The following SYT9 variants were observed in gnomAD, a reference collection of about 807,000 sequenced individuals.
The protein encoded by SYT9 is synaptotagmin-9.
In SYT9, 22 loss-of-function variants were observed where a neutral mutation model predicts 48.4. The ratio of observed to expected loss-of-function variants is 0.45; its 90% CI spans 0.32 to 0.65. The LOEUF is 0.65. Ranked by LOEUF, SYT9 falls within the 30% of genes least tolerant of loss-of-function variation. The pLI is 0.03. For synonymous variants in SYT9, 265 were observed against 245.0 expected (o/e 1.08, Z -0.76); for missense variants, 577 against 622.0 (o/e 0.93, Z 0.77).
intron 3 of SYT9, among the ~76,000 whole-genome samples, chr11:7,397,810 A>G (rs1045919156): frequency 2.1e-4 from 32 of 152,224 alleles, no homozygotes; most frequent in African/African-American, 4.6e-4. Flanking sequence ...CATTGCTAAT[A>G]TATAAAAATC....
chr11:7,281,274 A>G (rs1340465835), intron 1 of SYT9, among the ~76,000 whole-genome samples: 4 of 152,208 alleles, frequency 2.6e-5, no homozygotes, highest in South Asian at 2.1e-4. Context: ...AACAGATGAG[A>G]TCAGATCCAA....
rs185741610 is a variant in SYT9 at position 7,356,318 on chromosome 11, A to G, written c.1044+42377A>G. ...TTTCAATACCTTCTTTGAAATGCGG[A>G]CATTCAGCATCCACATTGTCCCTTG... On this transcript the variant is annotated intron_variant, in intron 3 of 6. Coordinates refer to ENST00000318881, the MANE Select transcript of SYT9 (RefSeq NM_175733.4). 1.6e-3 allele frequency among the ~76,000 whole-genome samples: 249 copies of G among 152,358 alleles called. 3 individuals carry two copies. Among genetic ancestry groups the G allele is most frequent in the Non-Finnish European group, 2.7e-3 (185 of 68,042 alleles).
intron 5 of SYT9, among the ~76,000 whole-genome samples, chr11:7,419,868 C>T (rs931125653): frequency 6.4e-4 from 98 of 152,036 alleles, no homozygotes; most frequent in African/African-American, 2.2e-3. Context: ...TGCACTCCAG[C>T]GTGGGTGACA....
rs1847333353 is a variant in SYT9 at position 7,420,539 on chromosome 11, A to G, written c.1371A>G (p.Gln457=). 5 of 1,614,224 alleles carry G rather than the reference A, an allele frequency of 3.1e-6. No homozygotes were observed. The highest frequency in any genetic ancestry group is 4.2e-6 in the Non-Finnish European group (5 of 1,180,028). Reference sequence around the variant, plus strand: ...ACAATGAGATCATCGGCGTGTGTCAAGTAGGCAACGAGGCTGAGAGGCTGG... The same window carrying G: ...ACAATGAGATCATCGGCGTGTGTCAGGTAGGCAACGAGGCTGAGAGGCTGG... ...VGHNEIIGVC[Q]VGNEAERLGR... Residue 457 remains glutamine, a synonymous_variant, in exon 6 of 7, where the codon CAA becomes CAG. Transcript: ENST00000318881.
chr11:7,282,474 A>G (rs1200552150), intron 1 of SYT9, among the ~76,000 whole-genome samples: 1 of 152,230 alleles, frequency 6.6e-6, no homozygotes, highest in East Asian at 1.9e-4. Context: ...CCAGGTAAAT[A>G]TGGAGGTGTG....
In SYT9 at chr11:7,252,022, G is replaced by T; in HGVS notation, c.-165G>T. The T allele has an allele frequency of 4.0e-6, 3 of 741,258 alleles. No individual in the cohort carries two copies. The highest frequency in any genetic ancestry group is 1.9e-6 in the Non-Finnish European group (1 of 520,414). 45.9% of individuals were successfully genotyped at this position (741,258 alleles called of 1,614,324 possible). ...GAAGAGCTGCATGCAACCGGTGGGA[G>T]GCCGGGCCGGCTGGGTCTGGGGCTC... On this transcript the variant is annotated 5_prime_UTR_variant, in exon 1 of 7. The change creates a new upstream start codon in the 5' untranslated region. Transcript: ENST00000318881. This position sits in a 1 kb window ranked among gnomAD's most constrained non-coding sequence, Gnocchi z 6.3.
chr11:7,429,759 C>T (rs1039499368), intron 6 of SYT9, among the ~76,000 whole-genome samples: 3 of 152,124 alleles, frequency 2.0e-5, no homozygotes, highest in African/African-American at 7.2e-5. Flanking sequence ...AGTAGACTCC[C>T]ATTAAAGTTT....
At chr11:7,333,674 A>G (rs953988719) in intron 3 of SYT9, among the ~76,000 whole-genome samples, 5 of 152,234 alleles carry the variant, frequency 3.3e-5, no homozygotes, top group African/African-American at 1.2e-4. Flanking sequence ...ACATATGGCT[A>G]TCAGATATGG....
At chr11:7,463,121 A>T (rs1848263571) in intron 6 of SYT9, among the ~76,000 whole-genome samples, 1 of 152,200 alleles carries the variant, frequency 6.6e-6, no homozygotes, top group South Asian at 2.1e-4. Flanking sequence ...GGTACCTTCT[A>T]AACCCCTGGT....
intron 3 of SYT9, among the ~76,000 whole-genome samples, chr11:7,349,382 A>AACACACAC (rs71056799): frequency 0.28 from 41,375 of 148,076 alleles, 6,218 homozygotes; most frequent in Non-Finnish European, 0.35. Context: ...AAAATATACA[A>AACACACAC]ACACACACAC....
chr11:7,382,998 C>T (rs1850594395), intron 3 of SYT9, among the ~76,000 whole-genome samples: 2 of 152,290 alleles, frequency 1.3e-5, no homozygotes, highest in Non-Finnish European at 2.9e-5. Context: ...TCAACAGTTA[C>T]TTTAACAGTG....
chr11:7,352,743 G>A (rs1041252190), intron 3 of SYT9, among the ~76,000 whole-genome samples: 1 of 152,154 alleles, frequency 6.6e-6, no homozygotes, highest in African/African-American at 2.4e-5. Context: ...CACAGAGCAG[G>A]ATGCATACAA....
chr11:7,299,220 G>A (rs772830816), intron 1 of SYT9, among the ~76,000 whole-genome samples: 1 of 152,136 alleles, frequency 6.6e-6, no homozygotes, highest in Non-Finnish European at 1.5e-5. Context: ...GTGATTCTAA[G>A]CTGATGCTCC....
chr11:7,264,860 A>G (rs1349878531), intron 1 of SYT9, among the ~76,000 whole-genome samples: 1 of 152,134 alleles, frequency 6.6e-6, no homozygotes, highest in Non-Finnish European at 1.5e-5. Flanking sequence ...TAAGCGAGCA[A>G]CTGGGCTCTC....
chr11:7,326,400 T>C (rs1849435635), intron 3 of SYT9, among the ~76,000 whole-genome samples: 1 of 107,868 alleles, frequency 9.3e-6, no homozygotes, highest in Non-Finnish European at 1.8e-5. Context: ...TTTATTTGCG[T>C]AGAGGTGTTT....
At chr11:7,293,366 G>A (rs1032179940) in intron 1 of SYT9, among the ~76,000 whole-genome samples, 3 of 152,244 alleles carry the variant, frequency 2.0e-5, no homozygotes, top group South Asian at 4.1e-4. Flanking sequence ...GCAGCAGAGT[G>A]CTCTGTTTAC....
chr11:7,402,112 ATAT>A (rs2134076021), intron 3 of SYT9, among the ~76,000 whole-genome samples: 1 of 152,166 alleles, frequency 6.6e-6, no homozygotes, highest in African/African-American at 2.4e-5. Context: ...ATTTGGAAAG[ATAT>A]TATTTAATTT....
intron 3 of SYT9, among the ~76,000 whole-genome samples, chr11:7,402,769 T>C (rs970907749): frequency 1.3e-5 from 2 of 152,198 alleles, no homozygotes; most frequent in African/African-American, 4.8e-5. Flanking sequence ...CATGCTTTGT[T>C]ATCCAATCTG....
intron 1 of SYT9, among the ~76,000 whole-genome samples, chr11:7,255,968 T>C (rs889649298): frequency 6.6e-5 from 10 of 152,190 alleles, no homozygotes; most frequent in Non-Finnish European, 1.2e-4. Flanking sequence ...AAGGTTTTCC[T>C]TGTAGGGAAT....
Sources: allele counts gnomAD v4.1 joint callset (sites outside exome capture counted in the v4.1 genomes callset), GRCh38; gene constraint gnomAD v4.1.1; non-coding constraint Gnocchi (gnomAD v3.1); transcripts MANE v1.5; gene names NCBI Gene and HGNC (gene_info 2026-07-23, HGNC 2026-07-21).